Variants in NDST4 observed in about 807,000 individuals in gnomAD.
NDST4 encodes the protein N-deacetylase and N-sulfotransferase 4.
Under a neutral mutation model 100.8 loss-of-function variants are expected in NDST4, and 63 were observed. The ratio of observed to expected loss-of-function variants is 0.62; its 90% confidence interval spans 0.51 to 0.77. NDST4 has a LOEUF of 0.77. Among genes scored for constraint, NDST4 ranks in the 30% least tolerant of loss-of-function variants. The probability of loss-of-function intolerance (pLI) is 0.00; values close to 1 mark genes in which losing one functional copy is unlikely to be tolerated. For missense variants in NDST4, 943 were observed against 1,018.4 expected, an observed-to-expected ratio of 0.93 and a Z score of 1.01; for synonymous variants, 377 against 361.8, an observed-to-expected ratio of 1.04 and a Z score of -0.48.
chr4:115,074,666 T>C (rs965958367), intron 2 of NDST4, among the ~76,000 whole-genome samples: 1 of 152,076 alleles, frequency 6.6e-6, no homozygotes, highest in East Asian at 1.9e-4. Context: ...CACATATACT[T>C]TGAAGGTTTT....
rs1728469964 is a variant in NDST4 at position 115,046,671 on chromosome 4, AATAG to A, written c.978+29384_978+29387del. Among the ~76,000 whole-genome samples the A allele has an allele frequency of 3.9e-5, 6 of 152,248 alleles. No individual in the cohort carries two copies. The South Asian group carries it at 1.2e-3, about 32-fold the overall frequency. ...ATGATAAGATAGATAAGTTTGGACA[AATAG>A]ATGATACATAATTTAAGAGTTATTT... On this transcript the variant is annotated intron_variant, in intron 2 of 13. Transcript: ENST00000264363.
At chr4:115,010,508 G>A (rs1727519645) in intron 2 of NDST4, among the ~76,000 whole-genome samples, 1 of 127,686 alleles carries the variant, frequency 7.8e-6, no homozygotes, top group African/African-American at 3.0e-5. Context: ...GACACAGGAA[G>A]GGGAACATCA....
At chr4:114,965,607 A>T (rs543863436) in intron 4 of NDST4, among the ~76,000 whole-genome samples, 1 of 152,178 alleles carries the variant, frequency 6.6e-6, no homozygotes, top group South Asian at 2.1e-4. Context: ...TAAAATTCAC[A>T]TCATCATTGA....
chr4:114,897,563 A>C (rs1724742658), intron 6 of NDST4, among the ~76,000 whole-genome samples: 2 of 152,222 alleles, frequency 1.3e-5, no homozygotes. Flanking sequence ...TTGTGTGGAC[A>C]AAAATTTTCA....
rs1042742724 is a variant in NDST4, at chr4:115,021,757, C to G, written c.979-44483G>C. ...ATCTATACACATTCCATATATATAC[C>G]TCCCACATCTATACACATTCCATAT... On this transcript the variant is annotated intron_variant, in intron 2 of 13. Transcript: ENST00000264363. Among the ~76,000 whole-genome samples, 94 of 144,826 alleles carry G rather than the reference C, an allele frequency of 6.5e-4. 1 individual carries two copies. Among genetic ancestry groups the G allele is most frequent in the African/African-American group, 2.5e-3 (91 of 36,110 alleles).
At chr4:115,025,805 T>C (rs537142344) in intron 2 of NDST4, among the ~76,000 whole-genome samples, 38 of 152,294 alleles carry the variant, frequency 2.5e-4, no homozygotes, top group African/African-American at 8.4e-4. Flanking sequence ...AATACAAAGA[T>C]ATATTTTTCC....
chr4:115,064,217 A>G (rs1171461802), intron 2 of NDST4, among the ~76,000 whole-genome samples: 1 of 152,068 alleles, frequency 6.6e-6, no homozygotes, highest in Non-Finnish European at 1.5e-5. Flanking sequence ...CAGGAAACAA[A>G]TATGAATGAA....
At chr4:114,983,680 C>T (rs1165580869) in intron 2 of NDST4, among the ~76,000 whole-genome samples, 1 of 152,106 alleles carries the variant, frequency 6.6e-6, no homozygotes. Context: ...TGAGTTAAGA[C>T]TGAGGGAGAC....
chr4:115,059,847 T>A (rs569324340), intron 2 of NDST4, among the ~76,000 whole-genome samples: 1 of 151,596 alleles, frequency 6.6e-6, no homozygotes, highest in Admixed American at 6.6e-5. Flanking sequence ...ATAGCTCTTA[T>A]AACTTTTATA....
chr4:114,926,590 A>G (rs557065104), intron 6 of NDST4, among the ~76,000 whole-genome samples: 1 of 152,226 alleles, frequency 6.6e-6, no homozygotes, highest in East Asian at 1.9e-4. Flanking sequence ...AAGAAAAAAT[A>G]TCAGAGACTT....
chr4:114,922,862 A>G (rs983424996), intron 6 of NDST4, among the ~76,000 whole-genome samples: 1 of 152,232 alleles, frequency 6.6e-6, no homozygotes, highest in Non-Finnish European at 1.5e-5. Flanking sequence ...GTAGAGGTGA[A>G]GAAGATAGTC....
rs1001815 is a variant in NDST4, at chr4:114,888,423, G to C, written c.1537-17473C>G. Among the ~76,000 whole-genome samples, 911 of 152,124 alleles carry C rather than the reference G, an allele frequency of 6.0e-3. 4 individuals carry two copies. The highest frequency in any genetic ancestry group is 0.011 in the South Asian group (52 of 4,828). ...AAGCTTAAAGGCATTTATTTACCTGGTTACTGATGAAAAGGACAAGTGAAG... is the reference window on the plus strand; with the variant it reads ...AAGCTTAAAGGCATTTATTTACCTGCTTACTGATGAAAAGGACAAGTGAAG... On this transcript the variant is annotated intron_variant, in intron 6 of 13. Transcript: ENST00000264363.
chr4:114,939,835 G>A (rs966401104), intron 4 of NDST4, among the ~76,000 whole-genome samples: 8 of 152,144 alleles, frequency 5.3e-5, no homozygotes, highest in Non-Finnish European at 1.2e-4. Flanking sequence ...AATTAAAATA[G>A]TATATCACAC....
At chr4:115,042,101 T>G (rs1447544527) in intron 2 of NDST4, among the ~76,000 whole-genome samples, 1 of 152,162 alleles carries the variant, frequency 6.6e-6, no homozygotes, top group Non-Finnish European at 1.5e-5. Context: ...AACTACTGTC[T>G]GAAAATATTA....
At chr4:114,878,407 T>C (rs376256701) in intron 6 of NDST4, among the ~76,000 whole-genome samples, 2 of 152,314 alleles carry the variant, frequency 1.3e-5, no homozygotes, top group South Asian at 4.2e-4. Flanking sequence ...TGGAGCAGGC[T>C]TCATGAAGAA....
chr4:115,063,975 C>T (rs1728878934), intron 2 of NDST4, among the ~76,000 whole-genome samples: 1 of 151,918 alleles, frequency 6.6e-6, no homozygotes, highest in African/African-American at 2.4e-5. Context: ...GCTCTCAGCT[C>T]CGTAATTATC....
At chr4:115,084,321 A>C (rs1042288469) in intron 1 of NDST4, among the ~76,000 whole-genome samples, 2 of 152,204 alleles carry the variant, frequency 1.3e-5, no homozygotes, top group African/African-American at 4.8e-5. Context: ...TTCAAGAGGA[A>C]GCGAAGCATG....
intron 2 of NDST4, among the ~76,000 whole-genome samples, chr4:115,033,679 A>T (rs762057503): frequency 3.3e-5 from 5 of 152,084 alleles, no homozygotes; most frequent in Non-Finnish European, 7.4e-5. Context: ...AATAGTCATT[A>T]GTGACAAAGG....
intron 2 of NDST4, among the ~76,000 whole-genome samples, chr4:115,014,224 T>C (rs1727624718): frequency 6.6e-6 from 1 of 152,076 alleles, no homozygotes; most frequent in Non-Finnish European, 1.5e-5. Flanking sequence ...CATGGCTATA[T>C]CAACTCTCCA....
Sources: allele counts gnomAD v4.1 joint callset (sites outside exome capture counted in the v4.1 genomes callset), GRCh38; gene constraint gnomAD v4.1.1; transcripts MANE v1.5; gene names NCBI Gene and HGNC (gene_info 2026-07-23, HGNC 2026-07-21).